KIF5B: variants seen among roughly 807,000 people sequenced by gnomAD.
The protein encoded by KIF5B is kinesin-1 heavy chain.
Under a neutral mutation model 132.8 loss-of-function variants are expected in KIF5B, and 49 were observed. The ratio of observed to expected loss-of-function variants is 0.37; its 90% CI spans 0.29 to 0.47. The LOEUF is 0.47. Among genes scored for constraint, KIF5B ranks in the 20% least tolerant of loss-of-function variants. The pLI, the probability that KIF5B is intolerant of heterozygous loss-of-function variation, is 1.00. For missense variants in KIF5B, 780 were observed against 1,144.0 expected (o/e 0.68, Z 4.59); for synonymous variants, 355 against 369.4 (o/e 0.96, Z 0.45).
chr10:32,023,193 A>G (rs1804171396), intron 15 of KIF5B, among the ~76,000 whole-genome samples, 157 bp from the exon 16 acceptor site: 1 of 152,214 alleles, frequency 6.6e-6, no homozygotes, highest in Admixed American at 6.5e-5. Flanking sequence ...ACTGTTTTCA[A>G]CGAAAGGTAA....
intron 2 of KIF5B, among the ~76,000 whole-genome samples, chr10:32,046,060 C>T (rs75042869): frequency 0.013 from 1,994 of 151,958 alleles, 42 homozygotes; most frequent in African/African-American, 0.046. Context: ...TACTAGATCC[C>T]CAGTATAAAA....
chr10:32,041,290 T>G (rs960193207), intron 2 of KIF5B, among the ~76,000 whole-genome samples: 3 of 152,118 alleles, frequency 2.0e-5, no homozygotes, highest in African/African-American at 7.2e-5. Flanking sequence ...ATAACAACAG[T>G]AATTTTCTTA....
In KIF5B at chr10:32,022,992, T is replaced by C. The variant is rs7079505; in HGVS notation, c.1770A>G (p.Ala590=). The stretch of plus-strand genomic sequence containing the variant: ...ACTTCATTTTGCTAATGTAGAGTCT[T>C]GCAACAGTGAACTCTTCATCTATCA... ...TGMIDEEFTV[A]RLYISKMKSE... is the part of the protein sequence containing the mutation. Residue 590 remains alanine, a synonymous_variant, in exon 16 of 26, where the codon GCA becomes GCG. Transcript: ENST00000302418. 6.2e-7 allele frequency: 1 copy of C among 1,611,980 alleles called. No homozygotes were observed. The highest frequency in any genetic ancestry group is 1.7e-5 in the Admixed American group (1 of 59,992).
chr10:32,031,065 T>C lies in KIF5B; in HGVS notation c.1581+8A>G. On this transcript the variant is annotated splice_region_variant and intron_variant, in intron 14 of 25. Coordinates refer to ENST00000302418, the MANE Select transcript of KIF5B (RefSeq NM_004521.3). ...AGCATTAAAAAAGAAAATAAAACTA[T>C]ATCCTACCGATTTCTGATTCAATTC... The C allele has an allele frequency of 1.9e-6, 3 of 1,594,122 alleles. No individual in the cohort carries two copies. Among genetic ancestry groups the C allele is most frequent in the Non-Finnish European group, 2.6e-6 (3 of 1,163,554 alleles).
chr10:32,042,619 A>G (rs1247885198), intron 2 of KIF5B, among the ~76,000 whole-genome samples: 3 of 152,192 alleles, frequency 2.0e-5, no homozygotes, highest in East Asian at 3.9e-4. Flanking sequence ...ATGCTTGCTG[A>G]ATATTTATTA....
chr10:32,038,939 C>A, intron 4 of KIF5B, 113 bp from the exon 5 acceptor site: 1 of 677,542 alleles, frequency 1.5e-6, no homozygotes, highest in Admixed American at 3.2e-5. Flanking sequence ...ATCAACATAC[C>A]AGCCATAGCT....
chr10:32,021,352 G>T, intron 17 of KIF5B, 65 bp from the exon 18 acceptor site: 1 of 1,139,002 alleles, frequency 8.8e-7, no homozygotes, highest in South Asian at 1.3e-5. Flanking sequence ...ATAAACCAAG[G>T]AGCAAATGGA....
At chr10:32,049,950 A>G (rs1219818389) in intron 1 of KIF5B, among the ~76,000 whole-genome samples, 1 of 152,126 alleles carries the variant, frequency 6.6e-6, no homozygotes, top group African/African-American at 2.4e-5. Context: ...TAAGACTTGT[A>G]AGACCTGAGG....
chr10:32,029,504 A>C (rs1297228026), intron 14 of KIF5B, among the ~76,000 whole-genome samples: 1 of 152,144 alleles, frequency 6.6e-6, no homozygotes, highest in East Asian at 1.9e-4. Flanking sequence ...CATTTCCTTA[A>C]GTTTCTGAGT....
chr10:32,042,393 T>C (rs1362542163), intron 2 of KIF5B, among the ~76,000 whole-genome samples: 2 of 152,216 alleles, frequency 1.3e-5, no homozygotes, highest in Non-Finnish European at 2.9e-5. Flanking sequence ...TGTATCACAT[T>C]TACCTCTTCC....
intron 1 of KIF5B, among the ~76,000 whole-genome samples, chr10:32,049,547 T>C (rs963263536): frequency 6.6e-6 from 1 of 152,086 alleles, no homozygotes; most frequent in Non-Finnish European, 1.5e-5. Context: ...AAGAAACCAA[T>C]GGAAGTTGTT....
chr10:32,020,081 C>A, intron 19 of KIF5B, 122 bp from the exon 20 acceptor site: 1 of 598,808 alleles, frequency 1.7e-6, no homozygotes, highest in Non-Finnish European at 2.8e-6. Context: ...TATCCTATAC[C>A]CTATGGAGGA....
chr10:32,012,380 C>T (rs1841095733), intron 25 of KIF5B, among the ~76,000 whole-genome samples: 1 of 152,132 alleles, frequency 6.6e-6, no homozygotes, highest in African/African-American at 2.4e-5. Flanking sequence ...GAGGGTGAGG[C>T]AGGGAGAACT....
chr10:32,020,257 TTA>T (rs770394707), intron 19 of KIF5B, among the ~76,000 whole-genome samples: 3 of 152,182 alleles, frequency 2.0e-5, no homozygotes, highest in Non-Finnish European at 4.4e-5. Flanking sequence ...CATTATTTTG[TTA>T]TGTTATTCTC....
chr10:32,019,531 A>G (rs1275952554), intron 20 of KIF5B, among the ~76,000 whole-genome samples: 1 of 152,202 alleles, frequency 6.6e-6, no homozygotes, highest in Non-Finnish European at 1.5e-5. Flanking sequence ...TTAGATCTTA[A>G]AATCTTCGAA....
intron 25 of KIF5B, among the ~76,000 whole-genome samples, chr10:32,014,549 A>AAG (rs150457811): frequency 0.26 from 38,873 of 149,842 alleles, 4,994 homozygotes; most frequent in East Asian, 0.37. Context: ...AAGCTCCAGA[A>AAG]AGAGAGAGAG....
At chr10:32,015,716 A>G in intron 24 of KIF5B, 57 bp from the exon 25 acceptor site, 2 of 1,398,248 alleles carry the variant, frequency 1.4e-6, no homozygotes, top group East Asian at 4.8e-5. Context: ...GACTGCAATG[A>G]CTGTTAAGGT....
intron 15 of KIF5B, among the ~76,000 whole-genome samples, 188 bp from the exon 16 acceptor site, chr10:32,023,224 G>C (rs1185189685): frequency 6.6e-6 from 1 of 151,408 alleles, no homozygotes; most frequent in Non-Finnish European, 1.5e-5. Context: ...CTTACTTTTT[G>C]CCTTCCTTTT....
At chr10:32,045,508 T>A (rs1431430554) in intron 2 of KIF5B, among the ~76,000 whole-genome samples, 1 of 152,196 alleles carries the variant, frequency 6.6e-6, no homozygotes, top group East Asian at 1.9e-4. Flanking sequence ...TGGCTTCAAA[T>A]GAGCCCAAGT....
Sources: gnomAD v4.1 joint callset for allele counts (sites outside exome capture counted in the v4.1 genomes callset) on GRCh38, gnomAD v4.1.1 for gene constraint, MANE v1.5 for transcripts, NCBI Gene and HGNC (gene_info 2026-07-23, HGNC 2026-07-21) for gene names.